Variants in PREX1 observed in about 807,000 individuals in gnomAD.
PREX1 encodes the protein phosphatidylinositol-3,4,5-trisphosphate dependent Rac exchange factor 1, also known as phosphatidylinositol 3,4,5-trisphosphate-dependent Rac exchanger 1 protein.
PREX1 carries 41 observed loss-of-function variants against 198.3 expected under a neutral mutation model. The ratio of observed to expected loss-of-function variants is 0.21; its 90% CI spans 0.16 to 0.27. The LOEUF (loss-of-function observed/expected upper bound fraction) is 0.27. Ranked by LOEUF, PREX1 falls within the 10% of genes least tolerant of loss-of-function variation. PREX1 has a pLI of 1.00. For synonymous variants in PREX1, 843 were observed against 887.2 expected (o/e 0.95, Z 0.89); for missense variants, 1,620 against 2,200.7 (o/e 0.74, Z 5.28).
At position 48,827,824 on chromosome 20, in the gene PREX1, C is replaced by T. The variant is rs1359283707; in HGVS notation, c.37G>A (p.Gly13Arg). Residue 13 changes from glycine to arginine, a missense_variant, in exon 1 of 40, where the codon GGG (glycine) becomes AGG (arginine). Transcript: ENST00000371941. The surrounding 1 kb of genome is among the most constrained non-coding windows in gnomAD (Gnocchi z 4.1). ...TCCGGGTGGGCGCAGTCCCCGGCCC[C>T]GTCGCCGCCGGGCTCGCTGCCGCTG... ...APSGSEPGGD[G>R]AGDCAHPDPR... 2 of 977,478 alleles carry T rather than the reference C, an allele frequency of 2.0e-6. No homozygotes were observed. The highest frequency in any genetic ancestry group is 1.8e-5 in the African/African-American group (1 of 56,758). The allele number at this position is 977,478 out of a possible 1,614,324, so 60.6% of individuals were successfully genotyped here.
At chr20:48,714,347 A>C (rs1306222546) in intron 5 of PREX1, among the ~76,000 whole-genome samples, 33 of 152,244 alleles carry the variant, frequency 2.2e-4, no homozygotes, top group Non-Finnish European at 1.0e-4. Flanking sequence ...CTAATGAGGA[A>C]AATAGTATCA....
chr20:48,714,350 T>C (rs2089952038), intron 5 of PREX1, among the ~76,000 whole-genome samples: 3 of 152,076 alleles, frequency 2.0e-5, no homozygotes, highest in African/African-American at 7.2e-5. Context: ...ATGAGGAAAA[T>C]AGTATCAATT....
chr20:48,772,110 C>T (rs1390989966), intron 1 of PREX1, among the ~76,000 whole-genome samples: 1 of 152,174 alleles, frequency 6.6e-6, no homozygotes, highest in Non-Finnish European at 1.5e-5. Context: ...AAGAGAATCG[C>T]TCGAACCTGG....
the PREX1 span, among the ~76,000 whole-genome samples, chr20:48,845,378 G>A: frequency 6.6e-6 from 1 of 152,172 alleles, no homozygotes; most frequent in Non-Finnish European, 1.5e-5. Context: ...AGATCTAAAT[G>A]CACAGCCAAA....
intron 1 of PREX1, among the ~76,000 whole-genome samples, chr20:48,766,814 G>C (rs936923571): frequency 6.6e-6 from 1 of 152,180 alleles, no homozygotes; most frequent in East Asian, 1.9e-4. Context: ...CTCATTCTTG[G>C]TGAGTGAGTG....
At chr20:48,815,447 T>C (rs934491676) in intron 1 of PREX1, among the ~76,000 whole-genome samples, 2 of 152,132 alleles carry the variant, frequency 1.3e-5, no homozygotes, top group East Asian at 1.9e-4. Flanking sequence ...TGAACACAAA[T>C]TGGAAATCAC....
At chr20:48,882,501 C>CAAAAAAA in the PREX1 span, among the ~76,000 whole-genome samples, 1 of 66,878 alleles carries the variant, frequency 1.5e-5, no homozygotes, top group Non-Finnish European at 2.6e-5. Context: ...GACTCCGTCT[C>CAAAAAAA]AAAAAAAAAA....
Position 48,747,845 on chromosome 20 carries a change from G to A in PREX1, c.255C>T (p.Asp85=). 6.2e-7 allele frequency: 1 copy of A among 1,613,684 alleles called. No homozygotes were observed. Among genetic ancestry groups the A allele is most frequent in the Non-Finnish European group, 8.5e-7 (1 of 1,179,888 alleles). ...FLHRIRQNVA[D]SVEKGLTEEN... ...CCTCCGTGAGGCCCTTCTCCACTGAGTCGGCCACGTTCTGCCGGATGCGAT... is the reference window on the plus strand; with the variant it reads ...CCTCCGTGAGGCCCTTCTCCACTGAATCGGCCACGTTCTGCCGGATGCGAT... The change falls in exon 2 of 40, where the codon GAC becomes GAT. Residue 85 remains aspartate (D), a synonymous_variant. Coordinates refer to ENST00000371941, the MANE Select transcript of PREX1 (RefSeq NM_020820.4).
intron 32 of PREX1, among the ~76,000 whole-genome samples, chr20:48,635,509 C>T (rs1348577335): frequency 1.3e-5 from 2 of 152,182 alleles, no homozygotes; most frequent in African/African-American, 2.4e-5. Context: ...TAGCCCCTGC[C>T]GCTCCCCTCT....
At chr20:48,749,236 A>AC (rs1346270307) in intron 1 of PREX1, among the ~76,000 whole-genome samples, 3 of 151,906 alleles carry the variant, frequency 2.0e-5, no homozygotes, top group Non-Finnish European at 4.4e-5. Flanking sequence ...CCACATGGAG[A>AC]CCCCTGGGAA....
chr20:48,709,142 G>A (rs2089918377), intron 5 of PREX1, among the ~76,000 whole-genome samples: 1 of 152,202 alleles, frequency 6.6e-6, no homozygotes, highest in African/African-American at 2.4e-5. Flanking sequence ...AGGAACTGAG[G>A]AGGAAGGGAT....
chr20:48,781,448 C>A (rs1316223567), intron 1 of PREX1, among the ~76,000 whole-genome samples: 2 of 152,158 alleles, frequency 1.3e-5, no homozygotes, highest in Non-Finnish European at 2.9e-5. Flanking sequence ...CACCTACTGG[C>A]CAGACAATGC....
chr20:48,726,304 G>GAT lies in PREX1; in HGVS notation c.606_607insAT (p.Pro203IlefsTer29). The stretch of plus-strand genomic sequence containing the variant: ...GAAAGTCTCACCTTAAGGAGGAGCG[G>GAT]GTACTTGCAGATCCTCTGGATCGGA... On this transcript the variant is annotated frameshift_variant, in exon 5 of 40. Coordinates refer to ENST00000371941, the MANE Select transcript of PREX1 (RefSeq NM_020820.4). LOFTEE classifies it high-confidence loss of function. The GAT allele has an allele frequency of 6.2e-7, 1 of 1,613,578 alleles. No homozygotes were observed. Among genetic ancestry groups the GAT allele is most frequent in the Non-Finnish European group, 8.5e-7 (1 of 1,179,742 alleles).
At chr20:48,740,000 T>C (rs1384839503) in intron 3 of PREX1, among the ~76,000 whole-genome samples, 1 of 151,940 alleles carries the variant, frequency 6.6e-6, no homozygotes, top group Admixed American at 6.5e-5. Context: ...AACTCAGTAG[T>C]TAGTGGTTGG....
chr20:48,836,839 C>G, the PREX1 span, among the ~76,000 whole-genome samples: 2 of 145,206 alleles, frequency 1.4e-5, no homozygotes, highest in East Asian at 4.1e-4. Flanking sequence ...CGCTTGAACC[C>G]AGGAGGTGGA....
At chr20:48,740,585 C>T (rs2090076561) in intron 3 of PREX1, among the ~76,000 whole-genome samples, 3 of 152,220 alleles carry the variant, frequency 2.0e-5, no homozygotes, top group Admixed American at 2.0e-4. Context: ...TTCCAAGGGC[C>T]CACCTGTGTG....
intron 7 of PREX1, 118 bp downstream of exon 7, chr20:48,700,635 G>T (rs2089868884): frequency 2.9e-6 from 4 of 1,381,920 alleles, no homozygotes; most frequent in Non-Finnish European, 4.0e-6. Context: ...CAGCACTGAT[G>T]TAGAACAAAC....
At chr20:48,795,845 C>G (rs920702901) in intron 1 of PREX1, among the ~76,000 whole-genome samples, 8 of 152,178 alleles carry the variant, frequency 5.3e-5, no homozygotes, top group Non-Finnish European at 1.2e-4. Flanking sequence ...GAGCTCAGCC[C>G]CAAGCCTACA....
intron 5 of PREX1, among the ~76,000 whole-genome samples, chr20:48,713,530 T>C (rs1349837177): frequency 6.6e-6 from 1 of 151,644 alleles, no homozygotes; most frequent in East Asian, 1.9e-4. Context: ...TGGCCAGCAG[T>C]TCAAGACCAG....
Sources: allele counts gnomAD v4.1 joint callset (sites outside exome capture counted in the v4.1 genomes callset), GRCh38; gene constraint gnomAD v4.1.1; non-coding constraint Gnocchi (gnomAD v3.1); transcripts MANE v1.5; gene names NCBI Gene and HGNC (gene_info 2026-07-23, HGNC 2026-07-21).